PSMC2: variants seen among roughly 807,000 people sequenced by gnomAD.
PSMC2 encodes the protein 26S proteasome regulatory subunit 7.
In PSMC2, 7 loss-of-function variants were observed where a neutral mutation model predicts 53.3. That is an observed-to-expected ratio of 0.13 (90% CI 0.07 to 0.25). The LOEUF is 0.25. Among genes scored for constraint, PSMC2 ranks in the 10% least tolerant of loss-of-function variants. The pLI, the probability that PSMC2 is intolerant of heterozygous loss-of-function variation, is 1.00. For missense variants in PSMC2, 241 were observed against 544.0 expected, an observed-to-expected ratio of 0.44 and a Z score of 5.54; for synonymous variants, 169 against 183.9, an observed-to-expected ratio of 0.92 and a Z score of 0.66.
chr7:103,355,366 A>G (rs923646571), intron 3 of PSMC2, among the ~76,000 whole-genome samples: 16 of 152,216 alleles, frequency 1.1e-4, no homozygotes, highest in African/African-American at 3.9e-4. Context: ...AAAATGTCAA[A>G]TGTGGCATTA....
rs1228872312 is a variant in PSMC2 at position 103,368,128 on chromosome 7, TAAAC to T, written c.*78_*81del. 23 of 1,305,688 alleles carry T rather than the reference TAAAC, an allele frequency of 1.8e-5. No homozygotes were observed. The highest frequency in any genetic ancestry group is 4.8e-5 in the South Asian group (3 of 62,198). The allele number at this position is 1,305,688 out of a possible 1,614,324, so 80.9% of individuals were successfully genotyped here. ...TATAGACTTGTTAATAACCAATTCA[TAAAC>T]AAATAAATGGCTTCAAAATTGTATG... On this transcript the variant is annotated 3_prime_UTR_variant, in exon 12 of 12. Transcript: ENST00000292644.
At chr7:103,356,241 A>G (rs965856980) in intron 4 of PSMC2, among the ~76,000 whole-genome samples, 4 of 152,098 alleles carry the variant, frequency 2.6e-5, no homozygotes, top group Admixed American at 6.6e-5. Context: ...TGTGTTTTTA[A>G]AAAATTGCAA....
Position 103,368,156 on chromosome 7 carries a change from T to C in PSMC2, c.*102T>C. The C allele has an allele frequency of 9.5e-7, 1 of 1,051,884 alleles. No individual in the cohort carries two copies. The highest frequency in any genetic ancestry group is 1.3e-6 in the Non-Finnish European group (1 of 749,696). The allele number at this position is 1,051,884 out of a possible 1,614,324, so 65.2% of individuals were successfully genotyped here. A position where few individuals can be genotyped will look rare whatever the true frequency, so the allele number is the denominator to read the frequency against. ...ACAAATAAATGGCTTCAAAATTGTA[T>C]GCTTTTTTCCATATCTCTTCTTGTA... On this transcript the variant is annotated 3_prime_UTR_variant, in exon 12 of 12. Coordinates refer to ENST00000292644, the MANE Select transcript of PSMC2 (RefSeq NM_002803.4).
rs1400587506 is a variant in PSMC2 at position 103,367,059 on chromosome 7, T to A, written c.845-354T>A. Among the ~76,000 whole-genome samples, 1 of 152,204 alleles carries A rather than the reference T, an allele frequency of 6.6e-6. No individual in the cohort carries two copies. The highest frequency in any genetic ancestry group is 1.5e-5 in the Non-Finnish European group (1 of 68,032). Reference sequence around the variant, plus strand: ...AGGACAAGTTATTTTAACTAATCTCTGAGCCTCAGTTTGCTCATCTTATAA... The same window carrying A: ...AGGACAAGTTATTTTAACTAATCTCAGAGCCTCAGTTTGCTCATCTTATAA... On this transcript the variant is annotated intron_variant, in intron 9 of 11. Coordinates refer to ENST00000292644, the MANE Select transcript of PSMC2 (RefSeq NM_002803.4). The surrounding 1 kb of genome is among the most constrained non-coding windows in gnomAD (Gnocchi z 6.1).
intron 1 of PSMC2, chr7:103,348,499 ATACAG>A (rs1289335643): frequency 2.4e-5 from 15 of 631,012 alleles, no homozygotes; most frequent in South Asian, 9.3e-5. Context: ...TATTATGCGT[ATACAG>A]TAATGTATTT....
In PSMC2 at chr7:103,354,869, G is replaced by A; in HGVS notation, c.110G>A (p.Gly37Asp). Residue 37 changes from glycine to aspartate, a missense_variant and splice_region_variant, in exon 3 of 12, where the codon GGT (glycine) becomes GAT (aspartate). Gly to Asp is a moderately conservative substitution (Grantham distance 94). This residue lies in a region of PSMC2 where 70 missense variants were observed against 57.9 expected (regional missense o/e 1.21). Coordinates refer to ENST00000292644, the MANE Select transcript of PSMC2 (RefSeq NM_002803.4). ...EGDIALLKTY[G>D]QSTYSRQIKQ... The stretch of plus-strand genomic sequence containing the variant: ...ACTAAACTGACCTTCATCACCTAGG[G>A]TCAGAGCACTTACTCTAGGCAGATC... 6.2e-7 allele frequency: 1 copy of A among 1,609,858 alleles called. No individual in the cohort carries two copies. Among genetic ancestry groups the A allele is most frequent in the Non-Finnish European group, 8.5e-7 (1 of 1,176,626 alleles).
At chr7:103,362,429 AACTC>A (rs1820464882) in intron 5 of PSMC2, 1 of 1,356,748 alleles carries the variant, frequency 7.4e-7, no homozygotes, top group Non-Finnish European at 9.4e-7. Flanking sequence ...AATACATAAC[AACTC>A]ACTTAGTAAA....
At chr7:103,364,699 C>T (rs372873973) in intron 8 of PSMC2, among the ~76,000 whole-genome samples, 1 of 152,022 alleles carries the variant, frequency 6.6e-6, no homozygotes, top group Non-Finnish European at 1.5e-5. Context: ...AGAACCACCA[C>T]GCCCGGCCTG....
intron 6 of PSMC2, 101 bp from the exon 7 acceptor site, chr7:103,363,243 T>C (rs1820516730): frequency 2.3e-6 from 2 of 886,298 alleles, no homozygotes; most frequent in Non-Finnish European, 3.5e-6. Flanking sequence ...AAATTCTCAC[T>C]TGTGAGTTTT....
Position 103,368,695 on chromosome 7 carries a change from AGTG to A in PSMC2, c.*645_*647del, listed in dbSNP as rs1820852728. ...AATTAGTGATTTTAATGAGCAGTAAAGTGGTGCAATAAAGCAGAAAGAAAAATG... is the reference window on the plus strand; with the variant it reads ...AATTAGTGATTTTAATGAGCAGTAAAGTGCAATAAAGCAGAAAGAAAAATG... On this transcript the variant is annotated 3_prime_UTR_variant, in exon 12 of 12. Coordinates refer to ENST00000292644, the MANE Select transcript of PSMC2 (RefSeq NM_002803.4). 6.6e-6 allele frequency: 1 copy of A among 152,224 alleles called. No individual in the cohort carries two copies. Among genetic ancestry groups the A allele is most frequent in the African/African-American group, 2.4e-5 (1 of 41,448 alleles). The allele number at this position is 152,224 out of a possible 1,614,324, so 9.4% of individuals were successfully genotyped here.
Position 103,353,078 on chromosome 7 carries a change from T to C in PSMC2, c.71-843T>C. The stretch of plus-strand genomic sequence containing the variant: ...GCTAAGCAAATTCAGAAATGCAGAA[T>C]TTGTGAATAGAAAAGATTAACTGTA... On this transcript the variant is annotated intron_variant, in intron 1 of 11. Transcript: ENST00000292644. 4.0e-6 allele frequency: 3 copies of C among 744,650 alleles called. No homozygotes were observed. The East Asian group carries it at 7.5e-5, about 19-fold the overall frequency. The allele number at this position is 744,650 out of a possible 1,614,324, so 46.1% of individuals were successfully genotyped here.
chr7:103,358,763 G>C (rs144003938), intron 4 of PSMC2, among the ~76,000 whole-genome samples: 3 of 151,842 alleles, frequency 2.0e-5, no homozygotes, highest in Admixed American at 2.0e-4. Flanking sequence ...TTTCTAGGCC[G>C]TATGAGGGGA....
chr7:103,350,158 T>C (rs939337079), intron 1 of PSMC2, among the ~76,000 whole-genome samples: 1 of 152,210 alleles, frequency 6.6e-6, no homozygotes, highest in Non-Finnish European at 1.5e-5. Context: ...CATGCTAATA[T>C]CCATTTTATC....
intron 1 of PSMC2, among the ~76,000 whole-genome samples, chr7:103,351,841 G>A (rs76134330): frequency 2.6e-5 from 4 of 151,876 alleles, no homozygotes; most frequent in African/African-American, 4.8e-5. Context: ...ATCCTCTCCC[G>A]TCAGCTTCTC....
intron 1 of PSMC2, among the ~76,000 whole-genome samples, chr7:103,349,567 A>C (rs561711862): frequency 1.3e-5 from 2 of 149,564 alleles, no homozygotes; most frequent in South Asian, 2.1e-4. Flanking sequence ...TCCTGCCTCA[A>C]CCTCCCAAGT....
intron 1 of PSMC2, among the ~76,000 whole-genome samples, chr7:103,351,893 G>T (rs1563482421): frequency 6.6e-6 from 1 of 151,854 alleles, no homozygotes; most frequent in Non-Finnish European, 1.5e-5. Context: ...CTTCCTCTGA[G>T]GGTTTTTTTT....
rs1237781044 is a variant in PSMC2 at position 103,361,940 on chromosome 7, GC to G, written c.291-16del. The G allele has an allele frequency of 6.3e-7, 1 of 1,593,156 alleles. No individual in the cohort carries two copies. The highest frequency in any genetic ancestry group is 8.5e-7 in the Non-Finnish European group (1 of 1,174,032). ...GGCTTAGGTTCCTTATTCTAATCAA[GC>G]TTTTTGCTGTGTTAGGTGTACAAAG... On this transcript the variant is annotated splice_polypyrimidine_tract_variant and intron_variant, in intron 4 of 11. Transcript: ENST00000292644.
chr7:103,368,335 C>A lies in PSMC2; in HGVS notation c.*281C>A. On this transcript the variant is annotated 3_prime_UTR_variant, in exon 12 of 12. Transcript: ENST00000292644. ...ATCCTAGGCATATGCTGGCCGGGTG[C>A]TCTACATATAAATTCTCATTGTATC... The A allele has an allele frequency of 4.0e-6, 1 of 247,054 alleles. No homozygotes were observed. Among genetic ancestry groups the A allele is most frequent in the East Asian group, 8.5e-5 (1 of 11,730 alleles). The allele number at this position is 247,054 out of a possible 1,614,324, so 15.3% of individuals were successfully genotyped here.
intron 6 of PSMC2, 72 bp from the exon 7 acceptor site, chr7:103,363,272 C>T: frequency 1.6e-6 from 2 of 1,222,120 alleles, no homozygotes; most frequent in Non-Finnish European, 2.4e-6. Flanking sequence ...GGTATTAGGT[C>T]TATTCTATTG....
Sources: allele counts gnomAD v4.1 joint callset (sites outside exome capture counted in the v4.1 genomes callset), GRCh38; gene constraint gnomAD v4.1.1; regional missense constraint gnomAD v4.1.1; non-coding constraint Gnocchi (gnomAD v3.1); transcripts MANE v1.5; gene names NCBI Gene and HGNC (gene_info 2026-07-23, HGNC 2026-07-21).